Variants in PLCH2 observed in about 807,000 individuals in gnomAD.
PLCH2 encodes the protein 1-phosphatidylinositol 4,5-bisphosphate phosphodiesterase eta-2.
Under a neutral mutation model 134.7 loss-of-function variants are expected in PLCH2, and 98 were observed. The observed-to-expected ratio is 0.73, with a 90% CI of 0.62 to 0.86. The LOEUF (loss-of-function observed/expected upper bound fraction) is 0.86, where lower values mean the gene tolerates loss of function less well. Ranked by LOEUF, PLCH2 falls within the 40% of genes least tolerant of loss-of-function variation. PLCH2 has a pLI of 0.00. For missense variants in PLCH2, 1,994 were observed against 1,986.6 expected, an observed-to-expected ratio of 1.00 and a Z score of -0.07; for synonymous variants, 974 against 827.5, an observed-to-expected ratio of 1.18 and a Z score of -3.04.
At chr1:2,456,561 A>C (rs994777279) in intron 2 of PLCH2, among the ~76,000 whole-genome samples, 2 of 152,180 alleles carry the variant, frequency 1.3e-5, no homozygotes, top group Admixed American at 1.3e-4. Flanking sequence ...CGTCCTGTGC[A>C]GCCCCCGCCC....
intron 4 of PLCH2, among the ~76,000 whole-genome samples, chr1:2,482,096 A>G (rs1049014662): frequency 1.2e-4 from 19 of 152,256 alleles, no homozygotes; most frequent in Admixed American, 1.1e-3. Flanking sequence ...GCCAAAGTGC[A>G]CGTTCAACAG....
rs1026683464 is a variant in PLCH2 at position 2,444,727 on chromosome 1, T to C, written c.115+14098T>C. On this transcript the variant is annotated intron_variant, in intron 2 of 3. Coordinates refer to the PLCH2 transcript ENST00000609981. This position sits in a 1 kb window ranked among gnomAD's most constrained non-coding sequence, Gnocchi z 4.6. ...CACTGGAGGCAGCCAAGGTGGCCAC[T>C]GATCCCCACTGTGACCACTGAGACC... is the stretch of plus-strand genomic sequence containing the variant. Among the ~76,000 whole-genome samples, 3 of 152,114 alleles carry C rather than the reference T, an allele frequency of 2.0e-5. No individual in the cohort carries two copies. Among genetic ancestry groups the C allele is most frequent in the Non-Finnish European group, 4.4e-5 (3 of 68,002 alleles).
chr1:2,503,525 G>A (rs930827403), intron 21 of PLCH2: 6 of 680,856 alleles, frequency 8.8e-6, no homozygotes, highest in South Asian at 1.6e-5. Context: ...TGGAGGGAGG[G>A]ACATACACGG....
At chr1:2,481,849 G>A (rs112382666) in intron 4 of PLCH2, among the ~76,000 whole-genome samples, 5 of 152,390 alleles carry the variant, frequency 3.3e-5, no homozygotes, top group African/African-American at 1.2e-4. Flanking sequence ...CTGCAGAGCC[G>A]AGAGAAGGAG....
Position 2,502,211 on chromosome 1 carries a change from G to A in PLCH2, c.2761G>A (p.Val921Ile), listed in dbSNP as rs533443137. ...TGGGCGGCCCCCGGCCCGGCCCTCC[G>A]TTAGCCAGCGGATCCTGCGGCGCAC... ...AAGRPPARPSVSQRILRRTAS... is the reference protein window; with the variant it reads ...AAGRPPARPSISQRILRRTAS... Residue 921 changes from valine to isoleucine, a missense_variant, in exon 21 of 22, where the codon GTT becomes ATT. Around this residue, in one of 2 missense-constraint regions of PLCH2, gnomAD observed 900 missense variants for 752.3 expected, o/e 1.20. Coordinates refer to ENST00000378486, the MANE Select transcript of PLCH2 (RefSeq NM_014638.4). 9.1e-6 allele frequency: 14 copies of A among 1,539,840 alleles called. 1 individual carries two copies. Among genetic ancestry groups the A allele is most frequent in the South Asian group, 6.0e-5 (5 of 83,590 alleles).
chr1:2,497,770 C>G, intron 16 of PLCH2, 161 bp downstream of exon 16: 17 of 488,914 alleles, frequency 3.5e-5, no homozygotes, highest in Non-Finnish European at 4.5e-5. Flanking sequence ...TCCCAGGATG[C>G]TGGGGAGGTG....
At chr1:2,466,458 T>C (rs2100604098), upstream of PLCH2, among the ~76,000 whole-genome samples, 1 of 152,320 alleles carries the variant, frequency 6.6e-6, no homozygotes, top group African/African-American at 2.4e-5. Context: ...AGGTGGTGAC[T>C]GCAGCTGCTG....
chr1:2,453,197 G>A (rs1017560895), intron 2 of PLCH2, among the ~76,000 whole-genome samples: 2 of 152,152 alleles, frequency 1.3e-5, no homozygotes, highest in African/African-American at 2.4e-5. Flanking sequence ...TTGCCAAAAC[G>A]CAAGTCTGCC....
upstream of PLCH2, among the ~76,000 whole-genome samples, chr1:2,425,635 C>A (rs895166835): frequency 6.6e-6 from 1 of 151,828 alleles, no homozygotes; most frequent in African/African-American, 2.4e-5. Context: ...TGCCTCAGAC[C>A]CCCAAGTAGC....
In PLCH2 at chr1:2,476,672, G is replaced by C. The variant is rs766698639; in HGVS notation, c.84G>C (p.Gly28=). 1.9e-6 allele frequency: 3 copies of C among 1,611,012 alleles called. No homozygotes were observed. In the South Asian group the frequency reaches 3.3e-5, roughly 18 times the overall value. The change falls in exon 1 of 22, where the codon GGG becomes GGC. Residue 28 remains glycine (G), a synonymous_variant. Coordinates refer to ENST00000378486, the MANE Select transcript of PLCH2 (RefSeq NM_014638.4). Reference sequence around the variant, plus strand: ...CGGAGGTACTCCTCTGGGTTGGAGGGAGTGTGGTGCTGTCTTCAGAGTGGC... The same window carrying C: ...CGGAGGTACTCCTCTGGGTTGGAGGCAGTGTGGTGCTGTCTTCAGAGTGGC... ...WLAEVLLWVG[G]SVVLSSEWQL...
At chr1:2,466,961 C>T (rs1002777201), upstream of PLCH2, among the ~76,000 whole-genome samples, 7 of 152,154 alleles carry the variant, frequency 4.6e-5, no homozygotes, top group Non-Finnish European at 8.8e-5. Context: ...CAACGCTGGA[C>T]GCCCCCCAGG....
chr1:2,456,688 T>C (rs1489407951), intron 2 of PLCH2, among the ~76,000 whole-genome samples: 1 of 152,070 alleles, frequency 6.6e-6, no homozygotes, highest in African/African-American at 2.4e-5. Flanking sequence ...CCGCCCTCCT[T>C]GGGCCTCAGT....
chr1:2,502,799 C>A, intron 21 of PLCH2: 1 of 716,926 alleles, frequency 1.4e-6, no homozygotes, highest in Middle Eastern at 2.3e-4. Flanking sequence ...AAGGTCCCCC[C>A]GCTGGCCTGA....
intron 12 of PLCH2, among the ~76,000 whole-genome samples, chr1:2,495,203 G>A (rs1391630871): frequency 2.0e-5 from 3 of 152,160 alleles, no homozygotes; most frequent in Admixed American, 6.5e-5. Context: ...GCCTGGGCTC[G>A]GAGCTGGTGG....
intron 11 of PLCH2, chr1:2,493,793 G>C (rs2100706375): frequency 6.5e-6 from 1 of 153,286 alleles, no homozygotes; most frequent in East Asian, 1.9e-4. Context: ...CCCAGGTCCA[G>C]GCTGGGGAGA....
chr1:2,484,187 A>G (rs1642170572), intron 4 of PLCH2, among the ~76,000 whole-genome samples: 1 of 152,032 alleles, frequency 6.6e-6, no homozygotes. Context: ...TGGGGTGAGT[A>G]TATGGAGGTG....
chr1:2,503,042 T>C (rs1445349259), intron 21 of PLCH2: 7 of 711,750 alleles, frequency 9.8e-6, no homozygotes, highest in East Asian at 5.4e-5. Flanking sequence ...TCCGTGGCAC[T>C]GTCTCCGTGG....
At chr1:2,457,519 C>T (rs56766658) in intron 2 of PLCH2, among the ~76,000 whole-genome samples, 1 of 152,180 alleles carries the variant, frequency 6.6e-6, no homozygotes, top group African/African-American at 2.4e-5. Flanking sequence ...TCCTTGGGTT[C>T]TGAGATCTGC....
chr1:2,456,542 G>A (rs1036538731), intron 2 of PLCH2, among the ~76,000 whole-genome samples: 4 of 152,218 alleles, frequency 2.6e-5, no homozygotes, highest in Non-Finnish European at 5.9e-5. Context: ...TGAGGTCACC[G>A]GGGTGGCTCG....
Sources: allele counts gnomAD v4.1 joint callset (sites outside exome capture counted in the v4.1 genomes callset), GRCh38; gene constraint gnomAD v4.1.1; regional missense constraint gnomAD v4.1.1; non-coding constraint Gnocchi (gnomAD v3.1); transcripts MANE v1.5; gene names NCBI Gene and HGNC (gene_info 2026-07-23, HGNC 2026-07-21).